The following SLC25A53 variants were observed in gnomAD, a reference collection of about 807,000 sequenced individuals.
SLC25A53 encodes the protein solute carrier family 25 member 53.
SLC25A53 carries 5 observed loss-of-function variants against 15.0 expected under a neutral mutation model. The observed-to-expected ratio is 0.33, with a 90% CI of 0.17 to 0.70. The LOEUF (loss-of-function observed/expected upper bound fraction) is 0.70, where lower values mean the gene tolerates loss of function less well. SLC25A53 is among the 30% of genes least tolerant of loss of function. SLC25A53 has a pLI of 0.67. For missense variants in SLC25A53, 216 were observed against 241.6 expected, an observed-to-expected ratio of 0.89 and a Z score of 0.70; for synonymous variants, 95 against 100.0, an observed-to-expected ratio of 0.95 and a Z score of 0.30.
chrX:104,099,276 C>A lies in SLC25A53; in HGVS notation c.*5058G>T, dbSNP rs2075271880. 8.9e-6 allele frequency: 1 copy of A among 112,017 alleles called. No homozygotes were observed. The highest frequency in any genetic ancestry group is 3.2e-5 in the African/African-American group (1 of 30,823). The allele number at this position is 112,017 out of a possible 1,213,427, so 9.2% of individuals were successfully genotyped here. On this transcript the variant is annotated 3_prime_UTR_variant, in exon 2 of 2. Coordinates refer to ENST00000594199, the MANE Select transcript of SLC25A53 (RefSeq NM_001012755.5). ...GCTAGAAGAGAAGATTTGGAATGTT[C>A]CCAATGCAAAGAAATGATAAATGTT...
At chrX:104,143,939 C>T (rs2075458422) in intron 1 of SLC25A53, among the ~76,000 whole-genome samples, 1 of 111,637 alleles carries the variant, frequency 9.0e-6, no homozygotes, top group Non-Finnish European at 1.9e-5. Flanking sequence ...GAGTGGGGGC[C>T]AATATTCAAC....
intron 1 of SLC25A53, among the ~76,000 whole-genome samples, chrX:104,119,460 A>G (rs2075387013): frequency 8.9e-6 from 1 of 111,808 alleles, no homozygotes; most frequent in Non-Finnish European, 1.9e-5. Flanking sequence ...GCTGAGAAAC[A>G]TTGGCAACAA....
At chrX:104,119,831 C>T (rs1175585784) in intron 1 of SLC25A53, among the ~76,000 whole-genome samples, 1 of 111,896 alleles carries the variant, frequency 8.9e-6, no homozygotes, top group Non-Finnish European at 1.9e-5. Context: ...CAATCACAAC[C>T]TCTTTCCTCT....
At chrX:104,137,704 G>A (rs2075440309) in intron 1 of SLC25A53, among the ~76,000 whole-genome samples, 1 of 111,397 alleles carries the variant, frequency 9.0e-6, no homozygotes, top group Admixed American at 9.6e-5. Flanking sequence ...ACCAATCAGG[G>A]CTATGCTATA....
Position 104,122,480 on chromosome X carries a change from T to C in SLC25A53, c.-31-17192A>G, listed in dbSNP as rs1464238724. ...CCTCCAGATCCACAGCCCCAACTAC[T>C]TTCCCTTCACCCTGGCTGAATACCA... is the stretch of plus-strand genomic sequence containing the variant. On this transcript the variant is annotated intron_variant, in intron 1 of 1. Coordinates refer to ENST00000594199, the MANE Select transcript of SLC25A53 (RefSeq NM_001012755.5). Among the ~76,000 whole-genome samples the C allele has an allele frequency of 5.5e-5, 6 of 109,466 alleles. 1 individual carries two copies. Among genetic ancestry groups the C allele is most frequent in the African/African-American group, 2.0e-4 (6 of 29,937 alleles).
At chrX:104,138,155 T>C (rs376296114) in intron 1 of SLC25A53, among the ~76,000 whole-genome samples, 2 of 111,584 alleles carry the variant, frequency 1.8e-5, no homozygotes, top group African/African-American at 3.3e-5. Context: ...ACGCCTGTAA[T>C]CCCAGCACTT....
intron 1 of SLC25A53, among the ~76,000 whole-genome samples, chrX:104,136,316 G>A (rs1345796527): frequency 9.0e-6 from 1 of 111,077 alleles, no homozygotes; most frequent in African/African-American, 3.3e-5. Context: ...CAGAGGAAAC[G>A]GCAGGTCAGT....
At chrX:104,152,468 G>A (rs955235565) in intron 1 of SLC25A53, among the ~76,000 whole-genome samples, 10 of 109,929 alleles carry the variant, frequency 9.1e-5, no homozygotes, top group Admixed American at 2.9e-4. Flanking sequence ...TTCTTGGTTC[G>A]CTCTTGCCGC....
intron 1 of SLC25A53, among the ~76,000 whole-genome samples, chrX:104,143,135 A>G (rs1326908704): frequency 9.0e-6 from 1 of 111,101 alleles, no homozygotes; most frequent in African/African-American, 3.3e-5. Flanking sequence ...TAAAACCACA[A>G]AGATGGGGAG....
rs1324203795 is a variant in SLC25A53 at position 104,101,122 on chromosome X, T to G, written c.*3212A>C. ...AGAACTTGGGGAAATACTTAACGTTTACCACTTTATTATAAAGGATATATC... is the reference window on the plus strand; with the variant it reads ...AGAACTTGGGGAAATACTTAACGTTGACCACTTTATTATAAAGGATATATC... On this transcript the variant is annotated 3_prime_UTR_variant, in exon 2 of 2. Transcript: ENST00000594199. The G allele has an allele frequency of 7.1e-5, 8 of 112,150 alleles. No homozygotes were observed. The highest frequency in any genetic ancestry group is 2.6e-4 in the African/African-American group (8 of 30,837). The allele number at this position is 112,150 out of a possible 1,213,427, so 9.2% of individuals were successfully genotyped here. A position where few individuals can be genotyped will look rare whatever the true frequency, so the allele number is the denominator to read the frequency against.
At chrX:104,123,768 T>A (rs1556363587) in intron 1 of SLC25A53, among the ~76,000 whole-genome samples, 1 of 110,500 alleles carries the variant, frequency 9.0e-6, no homozygotes, top group Non-Finnish European at 1.9e-5. Flanking sequence ...TGTGTCCATG[T>A]GTTCTCATTG....
At chrX:104,132,686 G>A (rs2075428442) in intron 1 of SLC25A53, among the ~76,000 whole-genome samples, 1 of 111,778 alleles carries the variant, frequency 8.9e-6, no homozygotes, top group South Asian at 3.7e-4. Context: ...GCAGAAACTG[G>A]AGGAGAATCT....
intron 1 of SLC25A53, among the ~76,000 whole-genome samples, chrX:104,125,471 T>G (rs1223175358): frequency 9.0e-6 from 1 of 111,688 alleles, no homozygotes; most frequent in Non-Finnish European, 1.9e-5. Context: ...TTCACCTCAC[T>G]ACAATCATAT....
chrX:104,114,732 CA>C lies in SLC25A53; in HGVS notation c.-31-9445del, dbSNP rs111592182. On this transcript the variant is annotated intron_variant, in intron 1 of 1. Coordinates refer to ENST00000594199, the MANE Select transcript of SLC25A53 (RefSeq NM_001012755.5). ...ATGCAAATAAGCAGGAGCGGCTTCC[CA>C]ATTTCCTGGAGTTAATCAAGATGAT... is the stretch of plus-strand genomic sequence containing the variant. The C allele has an allele frequency of 8.9e-5, 108 of 1,209,878 alleles. No individual in the cohort carries two copies. The African/African-American group carries it at 1.7e-3, about 19-fold the overall frequency.
At position 104,113,965 on chromosome X, in the gene SLC25A53, A is replaced by G. The variant is rs782427029; in HGVS notation, c.-31-8677T>C. The G allele has an allele frequency of 2.2e-5, 22 of 991,728 alleles. 1 individual carries two copies. In the South Asian group the frequency reaches 4.6e-4, roughly 21 times the overall value. The allele number at this position is 991,728 out of a possible 1,213,427, so 81.7% of individuals were successfully genotyped here. ...CTGCTTCCCCACAGCCCACTATCTT[A>G]TTAACCTTTTTTACTTTCCTTAGAA... On this transcript the variant is annotated intron_variant, in intron 1 of 1. Transcript: ENST00000594199.
intron 1 of SLC25A53, among the ~76,000 whole-genome samples, chrX:104,153,484 T>C (rs2075491782): frequency 8.9e-6 from 1 of 111,801 alleles, no homozygotes; most frequent in African/African-American, 3.3e-5. Flanking sequence ...GAGAGTTTTA[T>C]TGGTGGGGGT....
rs782236908 is a variant in SLC25A53, at chrX:104,119,531, T to G, written c.-31-14243A>C. 5.7e-4 allele frequency among the ~76,000 whole-genome samples: 64 copies of G among 111,540 alleles called. 1 individual carries two copies. Among genetic ancestry groups the G allele is most frequent in the Non-Finnish European group, 1.0e-3 (55 of 53,077 alleles). The stretch of plus-strand genomic sequence containing the variant: ...AGAGAAGCAATAATAACAGCAAATC[T>G]GTATTGTGTTTAGATAGTTAACATT... On this transcript the variant is annotated intron_variant, in intron 1 of 1. Coordinates refer to ENST00000594199, the MANE Select transcript of SLC25A53 (RefSeq NM_001012755.5).
intron 1 of SLC25A53, among the ~76,000 whole-genome samples, chrX:104,110,533 C>T (rs1238970107): frequency 1.8e-5 from 2 of 112,278 alleles, no homozygotes; most frequent in Admixed American, 9.4e-5. Flanking sequence ...CCAACAGCAG[C>T]GGAAGGGCAT....
chrX:104,151,645 A>C (rs2075484974), intron 1 of SLC25A53, among the ~76,000 whole-genome samples: 1 of 111,645 alleles, frequency 9.0e-6, no homozygotes, highest in African/African-American at 3.3e-5. Context: ...ATGGACTGGG[A>C]ACAATCCCAT....
Sources: allele counts gnomAD v4.1 joint callset (sites outside exome capture counted in the v4.1 genomes callset), GRCh38; gene constraint gnomAD v4.1.1; transcripts MANE v1.5; gene names NCBI Gene and HGNC (gene_info 2026-07-23, HGNC 2026-07-21).